The following PCDH15 variants were observed in gnomAD, a reference collection of about 807,000 sequenced individuals.
PCDH15 encodes protocadherin-15.
A neutral mutation model predicts 178.5 loss-of-function variants in PCDH15; 129 were observed. The ratio of observed to expected loss-of-function variants is 0.72; its 90% confidence interval spans 0.63 to 0.84. The LOEUF (loss-of-function observed/expected upper bound fraction) is 0.84. PCDH15 is among the 40% of genes least tolerant of loss of function. The pLI is 0.00. For synonymous variants in PCDH15, 800 were observed against 732.0 expected (o/e 1.09, Z -1.50); for missense variants, 2,230 against 2,099.9 (o/e 1.06, Z -1.21).
chr10:53,970,142 T>C (rs2089514569), intron 21 of PCDH15, among the ~76,000 whole-genome samples: 1 of 151,488 alleles, frequency 6.6e-6, no homozygotes, highest in African/African-American at 2.4e-5. Context: ...ACACATAGGC[T>C]CAAAATAAAG....
At chr10:55,432,647 C>A (rs75981405) in intron 2 of PCDH15, among the ~76,000 whole-genome samples, 3,642 of 152,098 alleles carry the variant, frequency 0.024, 151 homozygotes, top group African/African-American at 0.083. Flanking sequence ...TAAAACATAC[C>A]ATTTTGCTTA....
At chr10:54,698,546 G>A (rs2095265776) in intron 1 of PCDH15, among the ~76,000 whole-genome samples, 1 of 152,136 alleles carries the variant, frequency 6.6e-6, no homozygotes, top group Middle Eastern at 3.2e-3. Context: ...TCATGTGGTA[G>A]TGCAAAGATC....
intron 2 of PCDH15, among the ~76,000 whole-genome samples, chr10:55,025,953 T>A (rs1471130669): frequency 6.6e-6 from 1 of 152,052 alleles, no homozygotes; most frequent in East Asian, 1.9e-4. Flanking sequence ...CACAATACTT[T>A]GTTAGACTGG....
At chr10:54,078,015 A>C (rs11004045) in intron 17 of PCDH15, among the ~76,000 whole-genome samples, 54,409 of 151,968 alleles carry the variant, frequency 0.36, 10,929 homozygotes, top group Middle Eastern at 0.52. Context: ...GTGAGCCGAG[A>C]TGTTTCCATT....
intron 2 of PCDH15, chr10:55,366,016 G>A (rs571445584): frequency 6.6e-6 from 1 of 152,222 alleles, no homozygotes; most frequent in Admixed American, 6.5e-5. Context: ...CCTGTCAAGA[G>A]TCAAAGCTAG....
intron 1 of PCDH15, among the ~76,000 whole-genome samples, chr10:54,783,863 T>A (rs1364523797): frequency 1.3e-5 from 2 of 152,090 alleles, no homozygotes; most frequent in Admixed American, 6.6e-5. Context: ...TTAATCTGTT[T>A]TCATAATGCT....
intron 2 of PCDH15, among the ~76,000 whole-genome samples, chr10:54,621,789 C>CA (rs2093355744): frequency 6.6e-6 from 1 of 151,554 alleles, no homozygotes; most frequent in African/African-American, 2.4e-5. Context: ...ATAATGAATG[C>CA]AAAAATGTGG....
At chr10:54,427,493 G>C (rs1351533057) in intron 3 of PCDH15, among the ~76,000 whole-genome samples, 1 of 151,674 alleles carries the variant, frequency 6.6e-6, no homozygotes, top group Non-Finnish European at 1.5e-5. Flanking sequence ...GGTCACGCTT[G>C]TATTGAACTC....
At chr10:55,122,444 A>G (rs1472778195) in intron 2 of PCDH15, among the ~76,000 whole-genome samples, 1 of 152,156 alleles carries the variant, frequency 6.6e-6, no homozygotes. Context: ...TGAGTAAATG[A>G]GTTTGAGTTA....
intron 2 of PCDH15, among the ~76,000 whole-genome samples, chr10:55,622,792 C>T (rs1311370273): frequency 2.0e-5 from 3 of 152,134 alleles, no homozygotes; most frequent in East Asian, 1.9e-4. Flanking sequence ...CCTCCAGAAA[C>T]TGCAGGCAAA....
chr10:54,454,943 G>C (rs2076722458), intron 3 of PCDH15, among the ~76,000 whole-genome samples: 1 of 152,076 alleles, frequency 6.6e-6, no homozygotes, highest in Admixed American at 6.6e-5. Context: ...TTGTGGGAGG[G>C]ATCCAGTGCG....
chr10:54,020,417 C>T lies in PCDH15; in HGVS notation c.2527-1G>A, dbSNP rs764292954. On this transcript the variant is annotated splice_acceptor_variant, in intron 19 of 37. Coordinates refer to ENST00000644397, the MANE Select transcript of PCDH15 (RefSeq NM_001384140.1). LOFTEE classifies it high-confidence loss of function. Reference sequence around the variant, plus strand: ...TTGCTCCAAGGTCGACATCTTTGGCCTGTAATAAGCAGAAGAATAGTTTTA... The same window carrying T: ...TTGCTCCAAGGTCGACATCTTTGGCTTGTAATAAGCAGAAGAATAGTTTTA... 13 of 1,613,318 alleles carry T rather than the reference C, an allele frequency of 8.1e-6. No individual in the cohort carries two copies. The highest frequency in any genetic ancestry group is 1.0e-5 in the Non-Finnish European group (12 of 1,179,536).
intron 2 of PCDH15, among the ~76,000 whole-genome samples, chr10:54,972,965 T>A (rs974889417): frequency 6.6e-5 from 10 of 151,462 alleles, no homozygotes; most frequent in Non-Finnish European, 1.2e-4. Context: ...ATAACAGTGA[T>A]AAGTTAAACT....
At chr10:55,518,280 A>C (rs949080001) in intron 2 of PCDH15, among the ~76,000 whole-genome samples, 3 of 152,110 alleles carry the variant, frequency 2.0e-5, no homozygotes, top group African/African-American at 7.2e-5. Context: ...TGATATTGCA[A>C]TAGTAGCTTA....
chr10:55,551,855 A>T (rs146867417), intron 2 of PCDH15, among the ~76,000 whole-genome samples: 1,790 of 151,908 alleles, frequency 0.012, 9 homozygotes, highest in South Asian at 0.023. Context: ...AATTTGAGCT[A>T]AATTTGTCCT....
chr10:53,843,619 G>C (rs1044765215), intron 28 of PCDH15, among the ~76,000 whole-genome samples: 3 of 151,158 alleles, frequency 2.0e-5, no homozygotes, highest in African/African-American at 7.3e-5. Context: ...CTTTATAATG[G>C]GAATAAAAGA....
intron 3 of PCDH15, among the ~76,000 whole-genome samples, chr10:54,467,334 A>G (rs1272236452): frequency 6.6e-6 from 1 of 151,700 alleles, no homozygotes; most frequent in East Asian, 1.9e-4. Flanking sequence ...TGTTCATCCT[A>G]TGCCTAATTT....
intron 9 of PCDH15, among the ~76,000 whole-genome samples, chr10:54,235,452 T>C (rs1438902190): frequency 6.6e-6 from 1 of 152,200 alleles, no homozygotes; most frequent in Non-Finnish European, 1.5e-5. Flanking sequence ...TATCCAAGTC[T>C]GTTATTAAAT....
Position 54,655,104 on chromosome 10 carries a change from G to C in PCDH15, c.91+9068C>G, listed in dbSNP as rs144866715. On this transcript the variant is annotated intron_variant, in intron 2 of 37. Transcript: ENST00000644397. The stretch of plus-strand genomic sequence containing the variant: ...CGGGAGCCTGTGGTCCTAGCTACTC[G>C]GGAGCCCGAGGCAGGAGAATGGCGT... 7.4e-3 allele frequency: 1,129 copies of C among 152,554 alleles called. 15 individuals carry two copies. Among genetic ancestry groups the C allele is most frequent in the African/African-American group, 0.025 (1,030 of 41,452 alleles). 9.5% of individuals were successfully genotyped at this position (152,554 alleles called of 1,614,324 possible).
Sources: allele counts gnomAD v4.1 joint callset (sites outside exome capture counted in the v4.1 genomes callset), GRCh38; gene constraint gnomAD v4.1.1; transcripts MANE v1.5; gene names NCBI Gene and HGNC (gene_info 2026-07-23, HGNC 2026-07-21).